Variants in DOCK7 observed in about 807,000 individuals in gnomAD.
The protein encoded by DOCK7 is dedicator of cytokinesis 7, also known as dedicator of cytokinesis protein 7.
Under a neutral mutation model 271.0 loss-of-function variants are expected in DOCK7, and 138 were observed. The ratio of observed to expected loss-of-function variants is 0.51; its 90% CI spans 0.44 to 0.59. The LOEUF is 0.59. Ranked by LOEUF, DOCK7 falls within the 20% of genes least tolerant of loss-of-function variation. The pLI is 0.00. For synonymous variants in DOCK7, 823 were observed against 876.1 expected (o/e 0.94, Z 1.07); for missense variants, 2,066 against 2,592.4 (o/e 0.80, Z 4.41).
At chr1:62,639,535 C>T (rs956688092) in intron 7 of DOCK7, among the ~76,000 whole-genome samples, 5 of 144,462 alleles carry the variant, frequency 3.5e-5, no homozygotes, top group South Asian at 2.2e-4. Flanking sequence ...CCTGGGTTCA[C>T]GCCATTCTCC....
chr1:62,557,096 T>C (rs1208544432), intron 20 of DOCK7, among the ~76,000 whole-genome samples: 1 of 149,686 alleles, frequency 6.7e-6, no homozygotes, highest in Non-Finnish European at 1.5e-5. Context: ...GATGGGGTCT[T>C]GCTATGTTGA....
rs1251211940 is a variant in DOCK7 at position 62,583,173 on chromosome 1, G to T, written c.1871+11C>A. The T allele has an allele frequency of 1.9e-6, 3 of 1,600,526 alleles. No homozygotes were observed. Among genetic ancestry groups the T allele is most frequent in the South Asian group, 1.1e-5 (1 of 90,114 alleles). ...GTGAGTAACTTTGAAAGAAATATTT[G>T]AATTCAGTACCTGTTATGATATACT... On this transcript the variant is annotated intron_variant, in intron 16 of 49. Coordinates refer to ENST00000635253, the MANE Select transcript of DOCK7 (RefSeq NM_001367561.1).
At chr1:62,527,244 T>C (rs1403356007) in intron 31 of DOCK7, among the ~76,000 whole-genome samples, 2 of 152,188 alleles carry the variant, frequency 1.3e-5, no homozygotes, top group East Asian at 1.9e-4. Context: ...ATAGTAAATA[T>C]CAAGTGTTTT....
chr1:62,590,658 A>G (rs1648303953), intron 14 of DOCK7, among the ~76,000 whole-genome samples: 1 of 152,138 alleles, frequency 6.6e-6, no homozygotes, highest in African/African-American at 2.4e-5. Context: ...AGGACCTGGG[A>G]TTAAAGAATC....
At chr1:62,651,449 T>TAAA (rs71045850) in intron 4 of DOCK7, among the ~76,000 whole-genome samples, 2 of 130,156 alleles carry the variant, frequency 1.5e-5, no homozygotes, top group African/African-American at 2.9e-5. Context: ...TAAAGTATAA[T>TAAA]AAAAAAAAAA....
chr1:62,603,771 T>C (rs887048161), intron 14 of DOCK7, among the ~76,000 whole-genome samples: 1 of 151,922 alleles, frequency 6.6e-6, no homozygotes, highest in African/African-American at 2.4e-5. Context: ...GTTATATTAA[T>C]ATTTTTAACA....
chr1:62,488,693 T>G (rs1646367224), intron 42 of DOCK7: 1 of 475,170 alleles, frequency 2.1e-6, no homozygotes, highest in Non-Finnish European at 3.7e-6. Context: ...AATTAATAAT[T>G]CAAAAATGAA....
In DOCK7 at chr1:62,543,636, T is replaced by C. The variant is rs775240283; in HGVS notation, c.2949+20A>G. 7.1e-6 allele frequency: 11 copies of C among 1,546,054 alleles called. No individual in the cohort carries two copies. The highest frequency in any genetic ancestry group is 1.7e-4 in the Middle Eastern group (1 of 5,896). On this transcript the variant is annotated intron_variant, in intron 24 of 49. Coordinates refer to ENST00000635253, the MANE Select transcript of DOCK7 (RefSeq NM_001367561.1). ...TGAAATTATTTTCCCCCTCTATGAA[T>C]TGTCTTCATATGAATCTACCTTTTT... is the stretch of plus-strand genomic sequence containing the variant.
intron 12 of DOCK7, among the ~76,000 whole-genome samples, chr1:62,621,379 TAG>T (rs1056548907): frequency 2.4e-4 from 36 of 152,350 alleles, no homozygotes; most frequent in African/African-American, 9.6e-5. Flanking sequence ...TTAAAATAGC[TAG>T]AGTTTTTCTT....
At chr1:62,549,433 T>C (rs1645819483) in intron 22 of DOCK7, among the ~76,000 whole-genome samples, 1 of 152,214 alleles carries the variant, frequency 6.6e-6, no homozygotes, top group South Asian at 2.1e-4. Flanking sequence ...AATTCTACTA[T>C]GAAAGGTAGC....
intron 37 of DOCK7, among the ~76,000 whole-genome samples, chr1:62,500,027 A>G (rs1359217363): frequency 2.6e-5 from 4 of 152,220 alleles, no homozygotes; most frequent in Non-Finnish European, 5.9e-5. Context: ...TGTGCCTGCA[A>G]TAGCAAAATC....
At chr1:62,553,324 A>T (rs1387487153) in intron 21 of DOCK7, among the ~76,000 whole-genome samples, 16 of 6,700 alleles carry the variant, frequency 2.4e-3, no homozygotes, top group South Asian at 6.8e-3. Flanking sequence ...ATATATATAT[A>T]TATATATATA....
At chr1:62,663,485 T>C (rs1173967204) in intron 1 of DOCK7, among the ~76,000 whole-genome samples, 2 of 152,056 alleles carry the variant, frequency 1.3e-5, no homozygotes, top group Non-Finnish European at 2.9e-5. Context: ...GTATATACTT[T>C]AAAGTATACA....
intron 14 of DOCK7, among the ~76,000 whole-genome samples, chr1:62,589,507 C>T (rs1415350140): frequency 6.6e-6 from 1 of 151,648 alleles, no homozygotes. Context: ...GTCATTTTAC[C>T]AAGAAGCTGT....
At chr1:62,581,649 C>T (rs1411589030) in intron 16 of DOCK7, among the ~76,000 whole-genome samples, 2 of 151,622 alleles carry the variant, frequency 1.3e-5, no homozygotes, top group Admixed American at 6.6e-5. Context: ...GATACATGTA[C>T]GATTATTTAA....
intron 6 of DOCK7, 79 bp downstream of exon 6, chr1:62,648,027 T>C: frequency 7.4e-7 from 1 of 1,350,300 alleles, no homozygotes; most frequent in Non-Finnish European, 1.0e-6. Context: ...CTCTACATTT[T>C]GTAATACTAT....
At chr1:62,481,109 C>CATGTGAATCCCTGAGCG (rs1381508392) in intron 43 of DOCK7, among the ~76,000 whole-genome samples, 1 of 151,254 alleles carries the variant, frequency 6.6e-6, no homozygotes, top group Non-Finnish European at 1.5e-5. Context: ...AAGACTTATT[C>CATGTGAATCCCTGAGCG]ATGTGAATCC....
chr1:62,663,102 T>C lies in DOCK7; in HGVS notation c.67A>G (p.Ile23Val), dbSNP rs1658860689. The C allele has an allele frequency of 1.2e-6, 2 of 1,612,790 alleles. No individual in the cohort carries two copies. Among genetic ancestry groups the C allele is most frequent in the Admixed American group, 1.7e-5 (1 of 59,906 alleles). The change falls in exon 2 of 50, where the codon ATC becomes GTC. Residue 23 changes from isoleucine to valine, a missense_variant. Transcript: ENST00000635253. ...GGAGAACCACTATATTGTCCGGAGA[T>C]CTGCTTCCTAACTTCGGCTGCCACC... is the stretch of plus-strand genomic sequence containing the variant. The part of the protein sequence containing the change: ...RTVAAEVRKQ[I>V]SGQYSGSPQL...
rs1646236200 is a variant in DOCK7 at position 62,559,061 on chromosome 1, G to A, written c.2359C>T (p.Arg787Ter). The part of the protein sequence containing the change: ...LNSSQLEPVV[R>*]FLHLLLDKLI... ...TTATCTAGCAGAAGATGAAGAAATC[G>A]GACCACTGGTTCCAGCTGGGATGAA... Residue 787 changes from arginine (R) to a stop codon, truncating the protein, a stop_gained, in exon 20 of 50, where the codon CGA becomes TGA. Coordinates refer to ENST00000635253, the MANE Select transcript of DOCK7 (RefSeq NM_001367561.1). LOFTEE classifies it high-confidence loss of function. The A allele has an allele frequency of 4.3e-6, 7 of 1,613,442 alleles. No homozygotes were observed. Among genetic ancestry groups the A allele is most frequent in the African/African-American group, 1.3e-5 (1 of 74,834 alleles).
Sources: allele counts gnomAD v4.1 joint callset (sites outside exome capture counted in the v4.1 genomes callset), GRCh38; gene constraint gnomAD v4.1.1; transcripts MANE v1.5; gene names NCBI Gene and HGNC (gene_info 2026-07-23, HGNC 2026-07-21).